The following ZNF385D variants were observed in gnomAD, a reference collection of about 807,000 sequenced individuals.
ZNF385D encodes the protein zinc finger protein 385D, also known as zinc finger protein 659.
A neutral mutation model predicts 35.8 loss-of-function variants in ZNF385D; 15 were observed. The ratio of observed to expected loss-of-function variants is 0.42; its 90% confidence interval spans 0.28 to 0.64. The LOEUF is 0.64. Among genes scored for constraint, ZNF385D ranks in the 30% least tolerant of loss-of-function variants. The probability of loss-of-function intolerance (pLI) is 0.23; values close to 1 mark genes in which losing one functional copy is unlikely to be tolerated. For missense variants in ZNF385D, 474 were observed against 494.6 expected, an observed-to-expected ratio of 0.96 and a Z score of 0.39; for synonymous variants, 212 against 186.8, an observed-to-expected ratio of 1.13 and a Z score of -1.10.
At chr3:21,788,906 C>T (rs1277897159) in intron 3 of ZNF385D, among the ~76,000 whole-genome samples, 1 of 152,100 alleles carries the variant, frequency 6.6e-6, no homozygotes, top group African/African-American at 2.4e-5. Context: ...AGCCTTGAGA[C>T]CTGCTGGTCT....
intron 2 of ZNF385D, among the ~76,000 whole-genome samples, chr3:21,606,450 T>C (rs2064487122): frequency 6.6e-6 from 1 of 152,218 alleles, no homozygotes; most frequent in Non-Finnish European, 1.5e-5. Context: ...ACTATACATT[T>C]GATGTACAAA....
At chr3:21,787,331 A>T (rs2071731045) in intron 3 of ZNF385D, among the ~76,000 whole-genome samples, 2 of 152,088 alleles carry the variant, frequency 1.3e-5, no homozygotes, top group Admixed American at 1.3e-4. Flanking sequence ...GACTTCGAAG[A>T]CTCACTAAGT....
chr3:22,011,356 C>A (rs1372646467), intron 3 of ZNF385D, among the ~76,000 whole-genome samples: 2 of 151,992 alleles, frequency 1.3e-5, no homozygotes, highest in Non-Finnish European at 1.5e-5. Context: ...ATCTCTGCTT[C>A]AAAATATATC....
At chr3:21,952,826 T>A (rs1702123869) in intron 3 of ZNF385D, among the ~76,000 whole-genome samples, 1 of 151,998 alleles carries the variant, frequency 6.6e-6, no homozygotes, top group Admixed American at 6.6e-5. Flanking sequence ...AACATTTCCA[T>A]TGCCTTTTAT....
At chr3:21,544,105 G>T (rs2062287151) in intron 3 of ZNF385D, among the ~76,000 whole-genome samples, 1 of 152,146 alleles carries the variant, frequency 6.6e-6, no homozygotes, top group African/African-American at 2.4e-5. Context: ...TAAAATCTGT[G>T]GTACCTTTCA....
chr3:21,674,535 A>G (rs2066665989), intron 1 of ZNF385D, among the ~76,000 whole-genome samples: 1 of 152,116 alleles, frequency 6.6e-6, no homozygotes, highest in Non-Finnish European at 1.5e-5. Flanking sequence ...CCCTGAAAGC[A>G]TAGTAAGCAA....
At chr3:22,039,669 G>A (rs7623423) in intron 3 of ZNF385D, among the ~76,000 whole-genome samples, 12,344 of 152,090 alleles carry the variant, frequency 0.081, 546 homozygotes, top group South Asian at 0.12. Flanking sequence ...GTAGCTTCAT[G>A]TTAAATTCAT....
chr3:22,001,207 A>T (rs769609888), intron 3 of ZNF385D, among the ~76,000 whole-genome samples: 2 of 152,122 alleles, frequency 1.3e-5, no homozygotes, highest in Non-Finnish European at 2.9e-5. Flanking sequence ...GATTAGCTGA[A>T]AGGATTTTTT....
chr3:21,717,815 T>C lies in ZNF385D; in HGVS notation c.22+33080A>G, dbSNP rs116664961. 7.1e-3 allele frequency among the ~76,000 whole-genome samples: 1,084 copies of C among 152,336 alleles called. 12 individuals carry two copies. The highest frequency in any genetic ancestry group is 0.024 in the African/African-American group (1,011 of 41,574). On this transcript the variant is annotated intron_variant, in intron 1 of 7. Coordinates refer to ENST00000281523, the MANE Select transcript of ZNF385D (RefSeq NM_024697.3). ...CATGATTGTGAGGCCTTTCTAGCCA[T>C]GTGGAACTGTGAGTCCATTAAACTT...
chr3:21,510,358 A>G (rs1314313651), intron 4 of ZNF385D, among the ~76,000 whole-genome samples: 1 of 152,208 alleles, frequency 6.6e-6, no homozygotes, highest in Non-Finnish European at 1.5e-5. Flanking sequence ...TTACCCAGCC[A>G]TAACAAGCCC....
chr3:22,083,184 G>A (rs1238133127), intron 3 of ZNF385D, among the ~76,000 whole-genome samples: 3 of 152,226 alleles, frequency 2.0e-5, no homozygotes, highest in Admixed American at 1.3e-4. Flanking sequence ...TACTCCAAAG[G>A]ATCGCAGCTC....
chr3:22,226,379 C>T (rs538418921), intron 2 of ZNF385D, among the ~76,000 whole-genome samples: 257 of 152,162 alleles, frequency 1.7e-3, no homozygotes, highest in African/African-American at 5.9e-3. Context: ...CAGAAAGCTA[C>T]CCAGCACGAG....
At position 22,113,757 on chromosome 3, in the gene ZNF385D, G is replaced by A. The variant is rs539794118; in HGVS notation, c.325+55060C>T. ...AAAGCTCACTTTGGGAGGCCAAGGC[G>A]GGTGAATCACGAGTCAGGAGATAAA... On this transcript the variant is annotated intron_variant, in intron 3 of 5. Transcript: ENST00000494108. 1.3e-4 allele frequency among the ~76,000 whole-genome samples: 20 copies of A among 152,112 alleles called. No individual in the cohort carries two copies. The South Asian group carries it at 1.7e-3, about 13-fold the overall frequency.
At chr3:21,613,760 A>G (rs2064758776) in intron 2 of ZNF385D, among the ~76,000 whole-genome samples, 1 of 152,240 alleles carries the variant, frequency 6.6e-6, no homozygotes, top group Non-Finnish European at 1.5e-5. Flanking sequence ...TCATAGAAAC[A>G]TGAATTTGTA....
At position 21,819,377 on chromosome 3, in the gene ZNF385D, A is replaced by G. The variant is rs77270099; in HGVS notation, c.326-154349T>C. Reference sequence around the variant, plus strand: ...TGCTCTTTGCCAGAAGCTCGAACCTAAAACAAGGTAACAGAAAAAAATCTG... The same window carrying G: ...TGCTCTTTGCCAGAAGCTCGAACCTGAAACAAGGTAACAGAAAAAAATCTG... On this transcript the variant is annotated intron_variant, in intron 3 of 5. Transcript: ENST00000494108. Among the ~76,000 whole-genome samples, 557 of 151,660 alleles carry G rather than the reference A, an allele frequency of 3.7e-3. 7 individuals are homozygous for G. Among genetic ancestry groups the G allele is most frequent in the African/African-American group, 0.013 (519 of 41,516 alleles).
chr3:22,178,359 G>T lies in ZNF385D; in HGVS notation c.107-9324C>A, dbSNP rs540836693. Among the ~76,000 whole-genome samples, 40 of 152,290 alleles carry T rather than the reference G, an allele frequency of 2.6e-4. No individual in the cohort carries two copies. In the South Asian group the frequency reaches 7.9e-3, roughly 30 times the overall value. On this transcript the variant is annotated intron_variant, in intron 2 of 5. Coordinates refer to the ZNF385D transcript ENST00000494108. ...AGTGATGATAAGCATTTTTTCATGTGTCTTTTGGCTGCATTAATGTCTTCT... is the reference window on the plus strand; with the variant it reads ...AGTGATGATAAGCATTTTTTCATGTTTCTTTTGGCTGCATTAATGTCTTCT...
In ZNF385D at chr3:22,081,991, A is replaced by AT. The variant is rs67970020; in HGVS notation, c.325+86825dup. 3.8e-3 allele frequency among the ~76,000 whole-genome samples: 501 copies of AT among 133,336 alleles called. 3 individuals are homozygous for AT. The highest frequency in any genetic ancestry group is 0.029 in the East Asian group (129 of 4,404). 87.5% of individuals were successfully genotyped at this position (133,336 alleles called of 152,430 possible). ...ACTTATTTTGTGGTTGGGGTTTTCT[A>AT]TTTTTTTTTTTTTTTTTTTGCTTGT... On this transcript the variant is annotated intron_variant, in intron 3 of 5. Coordinates refer to the ZNF385D transcript ENST00000494108.
chr3:22,212,596 CTCCTT>C (rs1380293940), intron 2 of ZNF385D, among the ~76,000 whole-genome samples: 15 of 151,888 alleles, frequency 9.9e-5, no homozygotes, highest in African/African-American at 3.1e-4. Flanking sequence ...TAATGTGTTT[CTCCTT>C]TCAAGTGGCT....
intron 3 of ZNF385D, among the ~76,000 whole-genome samples, chr3:22,117,494 T>C (rs1428249428): frequency 2.6e-5 from 4 of 152,000 alleles, no homozygotes; most frequent in Non-Finnish European, 5.9e-5. Context: ...AGGCATCTTG[T>C]TCAACCAAAA....
Sources: allele counts gnomAD v4.1 joint callset (sites outside exome capture counted in the v4.1 genomes callset), GRCh38; gene constraint gnomAD v4.1.1; transcripts MANE v1.5; gene names NCBI Gene and HGNC (gene_info 2026-07-23, HGNC 2026-07-21).